NAV2: variants seen among roughly 807,000 people sequenced by gnomAD.
NAV2 encodes the protein helicase, APC down-regulated 1.
NAV2 carries 54 observed loss-of-function variants against 223.2 expected under a neutral mutation model. The observed-to-expected ratio is 0.24, with a 90% CI of 0.19 to 0.30. The LOEUF is 0.30. NAV2 is among the 10% of genes least tolerant of loss of function. The pLI, the probability that NAV2 is intolerant of heterozygous loss-of-function variation, is 1.00. For missense variants in NAV2, 2,806 were observed against 3,147.5 expected (o/e 0.89, Z 2.60); for synonymous variants, 1,279 against 1,239.3 (o/e 1.03, Z -0.67).
chr11:19,632,598 A>G (rs2047377627), intron 1 of NAV2, among the ~76,000 whole-genome samples: 1 of 152,172 alleles, frequency 6.6e-6, no homozygotes, highest in African/African-American at 2.4e-5. Flanking sequence ...GGTCAGTTCA[A>G]AGAGGCTGAT....
At chr11:19,549,969 G>T (rs964462145) in intron 1 of NAV2, among the ~76,000 whole-genome samples, 1 of 152,216 alleles carries the variant, frequency 6.6e-6, no homozygotes, top group Non-Finnish European at 1.5e-5. Flanking sequence ...AGCAAAATAG[G>T]GGGGCCAGCC....
At chr11:20,057,126 A>G (rs2153614269) in intron 19 of NAV2, among the ~76,000 whole-genome samples, 1 of 152,240 alleles carries the variant, frequency 6.6e-6, no homozygotes, top group African/African-American at 2.4e-5. Context: ...GGTGAGTTAT[A>G]GGTGCTTCCC....
At chr11:19,645,568 C>T (rs2047793486) in intron 1 of NAV2, among the ~76,000 whole-genome samples, 1 of 152,088 alleles carries the variant, frequency 6.6e-6, no homozygotes. Flanking sequence ...TTCACCATCC[C>T]TAGTCTGGCA....
intron 1 of NAV2, among the ~76,000 whole-genome samples, chr11:19,422,403 TAGGGAGA>T (rs2133507196): frequency 6.6e-6 from 1 of 152,164 alleles, no homozygotes; most frequent in East Asian, 1.9e-4. Flanking sequence ...TGCCAGCCAG[TAGGGAGA>T]CCCCCACGGC....
chr11:19,986,635 A>G (rs1396685841), intron 11 of NAV2, among the ~76,000 whole-genome samples: 1 of 152,218 alleles, frequency 6.6e-6, no homozygotes, highest in African/African-American at 2.4e-5. Flanking sequence ...TCTCAAAACA[A>G]AAAACAAACT....
chr11:19,494,745 G>C (rs560085446), intron 1 of NAV2, among the ~76,000 whole-genome samples: 2 of 152,336 alleles, frequency 1.3e-5, no homozygotes, highest in Admixed American at 1.3e-4. Flanking sequence ...GGATGACCTA[G>C]ATTCCTGAAC....
intron 10 of NAV2, among the ~76,000 whole-genome samples, chr11:19,957,965 C>A (rs1472985704): frequency 6.6e-6 from 1 of 152,172 alleles, no homozygotes; most frequent in African/African-American, 2.4e-5. Flanking sequence ...GCCTCGATTT[C>A]TTGGGAATTT....
At position 19,528,435 on chromosome 11, in the gene NAV2, G is replaced by A. The variant is rs568393330; in HGVS notation, c.75+177408G>A. Reference sequence around the variant, plus strand: ...TTTTTCATCCTTTACTGAAACTGCAGGTGAGTCCATTTCTCATACACACTG... The same window carrying A: ...TTTTTCATCCTTTACTGAAACTGCAAGTGAGTCCATTTCTCATACACACTG... On this transcript the variant is annotated intron_variant, in intron 1 of 37. Coordinates refer to the NAV2 transcript ENST00000360655. 4.6e-5 allele frequency among the ~76,000 whole-genome samples: 7 copies of A among 152,206 alleles called. No individual in the cohort carries two copies. In the South Asian group the frequency reaches 1.2e-3, roughly 27 times the overall value.
At chr11:19,968,400 A>G (rs1437256875) in intron 10 of NAV2, among the ~76,000 whole-genome samples, 1 of 152,096 alleles carries the variant, frequency 6.6e-6, no homozygotes, top group Non-Finnish European at 1.5e-5. Context: ...GTATTTTTTT[A>G]GTAGAGACGG....
intron 1 of NAV2, among the ~76,000 whole-genome samples, chr11:19,688,148 A>G (rs1028735447): frequency 1.3e-5 from 2 of 152,232 alleles, no homozygotes; most frequent in African/African-American, 4.8e-5. Context: ...AAGCTGAAGT[A>G]TTCTTACATG....
At position 19,385,753 on chromosome 11, in the gene NAV2, C is replaced by CTTTTTTTTTTTTTTTTTT. The variant is rs201669772; in HGVS notation, c.75+34735_75+34752dup. 5.3e-4 allele frequency among the ~76,000 whole-genome samples: 60 copies of CTTTTTTTTTTTTTTTTTT among 112,766 alleles called. 9 individuals carry two copies. Among genetic ancestry groups the CTTTTTTTTTTTTTTTTTT allele is most frequent in the East Asian group, 8.7e-4 (3 of 3,430 alleles). The allele number at this position is 112,766 out of a possible 152,430, so 74.0% of individuals were successfully genotyped here. ...CTCAACTGCTTTTTCAATATAGCTC[C>CTTTTTTTTTTTTTTTTTT]TTTTTTTTTTTTTTTTTTTTTTTTT... On this transcript the variant is annotated intron_variant, in intron 1 of 37. Transcript: ENST00000360655.
intron 1 of NAV2, among the ~76,000 whole-genome samples, chr11:19,501,168 G>A (rs1274419811): frequency 6.6e-6 from 1 of 152,112 alleles, no homozygotes; most frequent in East Asian, 1.9e-4. Context: ...AGTGGGGAAA[G>A]TTTCTCCACT....
At chr11:20,044,442 T>G (rs2057243171) in intron 13 of NAV2, 170 bp downstream of exon 13, 1 of 668,838 alleles carries the variant, frequency 1.5e-6, no homozygotes, top group African/African-American at 1.8e-5. Context: ...TGGAAATAAG[T>G]AAGCATGGGA....
chr11:19,404,881 A>C (rs1279384924), intron 1 of NAV2, among the ~76,000 whole-genome samples: 1 of 152,014 alleles, frequency 6.6e-6, no homozygotes, highest in South Asian at 2.1e-4. Flanking sequence ...TCTTTTTTTA[A>C]GTGTTAATCT....
intron 26 of NAV2, 21 bp downstream of exon 26, chr11:20,083,200 A>G (rs200510457): frequency 1.0e-5 from 16 of 1,599,550 alleles, no homozygotes; most frequent in East Asian, 2.2e-5. Flanking sequence ...CTGTCTAGTC[A>G]GATAACATCT....
intron 1 of NAV2, among the ~76,000 whole-genome samples, chr11:19,393,351 TA>T (rs1443297122): frequency 6.6e-6 from 1 of 152,254 alleles, no homozygotes; most frequent in Non-Finnish European, 1.5e-5. Flanking sequence ...GGGAGGCTTC[TA>T]AAATATGCTG....
At chr11:19,734,644 A>G (rs1406482245) in intron 1 of NAV2, among the ~76,000 whole-genome samples, 1 of 152,190 alleles carries the variant, frequency 6.6e-6, no homozygotes, top group Non-Finnish European at 1.5e-5. Context: ...TGGCTAATGA[A>G]GGTGGGGATG....
intron 1 of NAV2, among the ~76,000 whole-genome samples, chr11:19,494,426 T>C (rs1186832823): frequency 3.3e-5 from 5 of 152,350 alleles, no homozygotes; most frequent in South Asian, 2.1e-4. Flanking sequence ...AATGAATATG[T>C]GCTCTTTGTT....
upstream of NAV2, among the ~76,000 whole-genome samples, chr11:19,348,904 T>C (rs1386485528): frequency 1.3e-5 from 2 of 152,178 alleles, no homozygotes; most frequent in Admixed American, 6.5e-5. Flanking sequence ...CAGAAAAGGG[T>C]AATACGTATA....
Sources: allele counts gnomAD v4.1 joint callset (sites outside exome capture counted in the v4.1 genomes callset), GRCh38; gene constraint gnomAD v4.1.1; transcripts MANE v1.5; gene names NCBI Gene and HGNC (gene_info 2026-07-23, HGNC 2026-07-21).